Variants in TCF7L1 observed in about 807,000 individuals in gnomAD.
The protein encoded by TCF7L1 is transcription factor 7-like 1.
In TCF7L1, 18 loss-of-function variants were observed where a neutral mutation model predicts 63.7. That is an observed-to-expected ratio of 0.28 (90% confidence interval 0.20 to 0.42). The LOEUF (loss-of-function observed/expected upper bound fraction) is 0.42. Among genes scored for constraint, TCF7L1 ranks in the 10% least tolerant of loss-of-function variants. The probability of loss-of-function intolerance (pLI) is 1.00; values close to 1 mark genes in which losing one functional copy is unlikely to be tolerated. For missense variants in TCF7L1, 654 were observed against 779.3 expected (o/e 0.84, Z 1.91); for synonymous variants, 355 against 340.9 (o/e 1.04, Z -0.46).
chr2:85,234,499 G>T (rs953220648), intron 3 of TCF7L1, among the ~76,000 whole-genome samples: 1 of 152,028 alleles, frequency 6.6e-6, no homozygotes, highest in Admixed American at 6.6e-5. Flanking sequence ...GTTACAGATG[G>T]TACTGCATCT....
intron 3 of TCF7L1, among the ~76,000 whole-genome samples, chr2:85,244,346 G>GAT (rs1680411262): frequency 6.6e-6 from 1 of 152,230 alleles, no homozygotes; most frequent in Non-Finnish European, 1.5e-5. Flanking sequence ...TGGCTGCCAT[G>GAT]ATATAATCAT....
chr2:85,137,407 A>G (rs183844087), intron 3 of TCF7L1, among the ~76,000 whole-genome samples: 4 of 152,216 alleles, frequency 2.6e-5, no homozygotes, highest in African/African-American at 9.7e-5. Flanking sequence ...AGGTCCCCTC[A>G]GCATGGGATG....
intron 3 of TCF7L1, among the ~76,000 whole-genome samples, chr2:85,151,660 A>G (rs1402744839): frequency 6.6e-6 from 1 of 152,226 alleles, no homozygotes; most frequent in African/African-American, 2.4e-5. Context: ...AGAGGTCAGC[A>G]AACTAGAGTC....
chr2:85,257,705 G>A (rs1033547027), intron 3 of TCF7L1, among the ~76,000 whole-genome samples: 4 of 152,120 alleles, frequency 2.6e-5, no homozygotes, highest in East Asian at 1.9e-4. Flanking sequence ...GGGAGCCCAC[G>A]CCCACTGCAC....
At chr2:85,179,719 G>A (rs1678756809) in intron 3 of TCF7L1, among the ~76,000 whole-genome samples, 1 of 151,760 alleles carries the variant, frequency 6.6e-6, no homozygotes, top group East Asian at 1.9e-4. Flanking sequence ...GGCTGAGTGG[G>A]CTGGTACGGG....
At chr2:85,172,300 C>T (rs901963198) in intron 3 of TCF7L1, among the ~76,000 whole-genome samples, 13 of 152,198 alleles carry the variant, frequency 8.5e-5, no homozygotes, top group Admixed American at 1.3e-4. Flanking sequence ...CTGACCTCCC[C>T]GTGGCCCCTG....
chr2:85,272,936 G>A (rs557980844), intron 3 of TCF7L1, among the ~76,000 whole-genome samples: 1 of 152,342 alleles, frequency 6.6e-6, no homozygotes, highest in South Asian at 2.1e-4. Context: ...AAAGCCAGTT[G>A]CCTTTATTTT....
intron 3 of TCF7L1, among the ~76,000 whole-genome samples, chr2:85,187,988 G>A (rs1006904326): frequency 1.3e-5 from 2 of 152,166 alleles, no homozygotes; most frequent in African/African-American, 4.8e-5. Context: ...CAACAATATA[G>A]GCGAGCCTCA....
intron 3 of TCF7L1, chr2:85,232,884 TC>T (rs1172260829): frequency 6.6e-6 from 1 of 152,168 alleles, no homozygotes; most frequent in Non-Finnish European, 1.5e-5. Context: ...AGGTGTAACT[TC>T]AGAGAACAAA....
chr2:85,215,677 G>A (rs747196180), intron 3 of TCF7L1, among the ~76,000 whole-genome samples: 1 of 148,980 alleles, frequency 6.7e-6, no homozygotes, highest in Non-Finnish European at 1.5e-5. Context: ...ATCTGTAATT[G>A]TGACTTCTCT....
At chr2:85,259,367 G>C (rs1446236935) in intron 3 of TCF7L1, among the ~76,000 whole-genome samples, 1 of 152,214 alleles carries the variant, frequency 6.6e-6, no homozygotes, top group African/African-American at 2.4e-5. Flanking sequence ...CTTTGGGCAG[G>C]GTTTGCTTGG....
chr2:85,211,520 T>G (rs923298763), intron 3 of TCF7L1, among the ~76,000 whole-genome samples: 1 of 152,212 alleles, frequency 6.6e-6, no homozygotes, highest in Non-Finnish European at 1.5e-5. Context: ...TCCCTGTGCC[T>G]TCCAGGAGGG....
chr2:85,175,800 G>A (rs534536766), intron 3 of TCF7L1, among the ~76,000 whole-genome samples: 24 of 152,242 alleles, frequency 1.6e-4, no homozygotes, highest in Admixed American at 2.6e-4. Flanking sequence ...GCCAGGATAT[G>A]GAAGCGTGAC....
At chr2:85,307,827 G>C in intron 11 of TCF7L1, 110 bp downstream of exon 11, 1 of 997,602 alleles carries the variant, frequency 1.0e-6, no homozygotes, top group Non-Finnish European at 1.5e-6. Context: ...CTCGGTATTC[G>C]CGGGCGGGTA....
In TCF7L1 at chr2:85,257,363, G is replaced by A. The variant is rs536521637; in HGVS notation, c.442-26132G>A. 1.7e-3 allele frequency among the ~76,000 whole-genome samples: 264 copies of A among 152,284 alleles called. 1 individual carries two copies. The highest frequency in any genetic ancestry group is 2.6e-3 in the Non-Finnish European group (180 of 68,002). On this transcript the variant is annotated intron_variant, in intron 3 of 11. Transcript: ENST00000282111. ...CTTGGCTGTCCAGCACAGCTGCAGGGAGGAAGAACAGGTTCCCCGGCTTAG... is the reference window on the plus strand; with the variant it reads ...CTTGGCTGTCCAGCACAGCTGCAGGAAGGAAGAACAGGTTCCCCGGCTTAG...
intron 3 of TCF7L1, among the ~76,000 whole-genome samples, chr2:85,181,700 G>A (rs192454655): frequency 1.2e-4 from 18 of 152,322 alleles, no homozygotes; most frequent in East Asian, 1.2e-3. Context: ...TGACTGGTCC[G>A]TGTGTCTGCA....
intron 3 of TCF7L1, among the ~76,000 whole-genome samples, chr2:85,153,954 G>A (rs1678081289): frequency 1.3e-5 from 2 of 152,176 alleles, no homozygotes; most frequent in African/African-American, 4.8e-5. Context: ...TTCACTTCGG[G>A]TATCTTTCCA....
At chr2:85,152,637 G>A (rs920813506) in intron 3 of TCF7L1, among the ~76,000 whole-genome samples, 5 of 144,432 alleles carry the variant, frequency 3.5e-5, no homozygotes, top group Non-Finnish European at 6.0e-5. Flanking sequence ...GTTTCACCAT[G>A]TTGGCCAGGC....
intron 3 of TCF7L1, among the ~76,000 whole-genome samples, chr2:85,190,762 A>G (rs1222920581): frequency 6.6e-6 from 1 of 152,220 alleles, no homozygotes; most frequent in East Asian, 1.9e-4. Context: ...TTTGTACATA[A>G]TACTTCACTG....
Sources: gnomAD v4.1 joint callset for allele counts (sites outside exome capture counted in the v4.1 genomes callset) on GRCh38, gnomAD v4.1.1 for gene constraint, MANE v1.5 for transcripts, NCBI Gene and HGNC (gene_info 2026-07-23, HGNC 2026-07-21) for gene names.